The following ZC3H12B variants were observed in gnomAD, a reference collection of about 807,000 sequenced individuals.
ZC3H12B encodes probable ribonuclease ZC3H12B.
In ZC3H12B, 7 loss-of-function variants were observed where a neutral mutation model predicts 43.9. The observed-to-expected ratio is 0.16, with a 90% CI of 0.09 to 0.30. ZC3H12B has a LOEUF of 0.30. Ranked by LOEUF, ZC3H12B falls within the 10% of genes least tolerant of loss-of-function variation. The pLI, the probability that ZC3H12B is intolerant of heterozygous loss-of-function variation, is 1.00. For synonymous variants in ZC3H12B, 222 were observed against 241.7 expected (o/e 0.92, Z 0.76); for missense variants, 475 against 670.2 (o/e 0.71, Z 3.22).
the ZC3H12B span, among the ~76,000 whole-genome samples, chrX:65,139,506 G>C: frequency 8.9e-6 from 1 of 111,866 alleles, no homozygotes; most frequent in Non-Finnish European, 1.9e-5. Flanking sequence ...ATATTTTGAA[G>C]TCAGGTAGTG....
the ZC3H12B span, among the ~76,000 whole-genome samples, chrX:65,186,845 T>G: frequency 8.9e-6 from 1 of 112,119 alleles, no homozygotes; most frequent in African/African-American, 3.2e-5. Flanking sequence ...CAATGCAGGT[T>G]GCTGCGAATG....
At chrX:65,215,815 A>C in the ZC3H12B span, among the ~76,000 whole-genome samples, 4 of 111,966 alleles carry the variant, frequency 3.6e-5, no homozygotes, top group Non-Finnish European at 5.6e-5. Flanking sequence ...CCTTTGATTT[A>C]AAGTGAGAGA....
chrX:65,148,700 C>A, the ZC3H12B span, among the ~76,000 whole-genome samples: 1 of 111,815 alleles, frequency 8.9e-6, no homozygotes, highest in African/African-American at 3.2e-5. Flanking sequence ...GGAGGGATTA[C>A]ATGGATAATG....
At chrX:65,459,385 C>T (rs1281008498) in intron 3 of ZC3H12B, among the ~76,000 whole-genome samples, 2 of 111,537 alleles carry the variant, frequency 1.8e-5, no homozygotes, top group Non-Finnish European at 3.8e-5. Flanking sequence ...GATACCAAAG[C>T]CTGGCAGAGA....
At chrX:65,465,550 A>T (rs1480915837) in intron 3 of ZC3H12B, among the ~76,000 whole-genome samples, 1 of 111,031 alleles carries the variant, frequency 9.0e-6, no homozygotes, top group Non-Finnish European at 1.9e-5. Flanking sequence ...CTTTTAATTC[A>T]TTCTTCCAAT....
intron 2 of ZC3H12B, among the ~76,000 whole-genome samples, 195 bp downstream of exon 4, chrX:65,369,193 G>A (rs1357716171): frequency 1.8e-5 from 2 of 111,801 alleles, no homozygotes; most frequent in Admixed American, 1.9e-4. Flanking sequence ...ATCTTCTTAG[G>A]TTGAAAATAT....
the ZC3H12B span, among the ~76,000 whole-genome samples, chrX:65,352,434 C>G: frequency 9.5e-6 from 1 of 105,125 alleles, no homozygotes; most frequent in Non-Finnish European, 1.9e-5. Flanking sequence ...ACTGCACATT[C>G]TGCACACGTA....
At chrX:65,207,674 C>T in the ZC3H12B span, among the ~76,000 whole-genome samples, 1 of 99,185 alleles carries the variant, frequency 1.0e-5, no homozygotes, top group Non-Finnish European at 2.0e-5. Flanking sequence ...TTTTTTGGTT[C>T]CATATGAACT....
chrX:65,258,177 G>C, the ZC3H12B span, among the ~76,000 whole-genome samples: 10 of 111,268 alleles, frequency 9.0e-5, no homozygotes, highest in African/African-American at 3.3e-4. Context: ...ACATCAAAAA[G>C]TTAATCCACT....
At chrX:65,460,682 T>G (rs2067728359) in intron 3 of ZC3H12B, among the ~76,000 whole-genome samples, 1 of 111,869 alleles carries the variant, frequency 8.9e-6, no homozygotes, top group Non-Finnish European at 1.9e-5. Flanking sequence ...CTGGATCCCT[T>G]CCTTACACCT....
At chrX:65,231,146 AT>A in the ZC3H12B span, among the ~76,000 whole-genome samples, 1 of 111,146 alleles carries the variant, frequency 9.0e-6, no homozygotes, top group African/African-American at 3.3e-5. Flanking sequence ...TGGTAGGACC[AT>A]GATGACAACC....
At chrX:65,386,272 T>C (rs184083729) in intron 2 of ZC3H12B, among the ~76,000 whole-genome samples, 1 of 111,645 alleles carries the variant, frequency 9.0e-6, no homozygotes, top group African/African-American at 3.2e-5. Context: ...AATCTGTCTG[T>C]TCCTGGACTT....
the ZC3H12B span, among the ~76,000 whole-genome samples, chrX:65,074,468 A>T: frequency 2.7e-5 from 3 of 111,214 alleles, no homozygotes; most frequent in African/African-American, 9.8e-5. Flanking sequence ...GTTTCCTATT[A>T]GTTGGGTTCT....
chrX:65,373,986 A>ATATATATATAAC (rs1569379792), intron 2 of ZC3H12B, among the ~76,000 whole-genome samples: 1 of 28,903 alleles, frequency 3.5e-5, no homozygotes, highest in African/African-American at 2.4e-4. Context: ...TATATATACT[A>ATATATATATAAC]TATATATATA....
intron 3 of ZC3H12B, among the ~76,000 whole-genome samples, chrX:65,458,086 A>T (rs866250545): frequency 1.7e-3 from 119 of 68,091 alleles, no homozygotes; most frequent in African/African-American, 7.3e-3. Flanking sequence ...AAAAAAAATT[A>T]AAAAAAAAAA....
the ZC3H12B span, among the ~76,000 whole-genome samples, chrX:65,265,658 T>C: frequency 8.9e-6 from 1 of 111,919 alleles, no homozygotes; most frequent in Non-Finnish European, 1.9e-5. Flanking sequence ...CCTTCTGAAG[T>C]CCTAATCAAT....
At chrX:65,050,766 T>C in the ZC3H12B span, among the ~76,000 whole-genome samples, 3 of 112,013 alleles carry the variant, frequency 2.7e-5, no homozygotes, top group East Asian at 8.4e-4. Flanking sequence ...TTCACAAGGA[T>C]AAATCTCACT....
the ZC3H12B span, among the ~76,000 whole-genome samples, chrX:65,351,965 G>A: frequency 8.9e-6 from 1 of 112,160 alleles, no homozygotes; most frequent in Non-Finnish European, 1.9e-5. Context: ...TCTCATTACT[G>A]GGTATATACC....
chrX:65,153,522 A>T, the ZC3H12B span, among the ~76,000 whole-genome samples: 3 of 112,435 alleles, frequency 2.7e-5, no homozygotes, highest in African/African-American at 9.7e-5. Context: ...AATCAAAACC[A>T]CAATGAGATA....
Sources: allele counts gnomAD v4.1 joint callset (sites outside exome capture counted in the v4.1 genomes callset), GRCh38; gene constraint gnomAD v4.1.1; transcripts MANE v1.5; gene names NCBI Gene and HGNC (gene_info 2026-07-23, HGNC 2026-07-21).